The following LRRC8B variants were observed in gnomAD, a reference collection of about 807,000 sequenced individuals.
The protein encoded by LRRC8B is volume-regulated anion channel subunit LRRC8B.
Under a neutral mutation model 58.8 loss-of-function variants are expected in LRRC8B, and 23 were observed. The ratio of observed to expected loss-of-function variants is 0.39; its 90% confidence interval spans 0.28 to 0.55. The LOEUF is 0.55. Among genes scored for constraint, LRRC8B ranks in the 20% least tolerant of loss-of-function variants. The pLI is 0.62. For missense variants in LRRC8B, 694 were observed against 936.0 expected (o/e 0.74, Z 3.37); for synonymous variants, 359 against 374.1 (o/e 0.96, Z 0.47).
chr1:89,590,992 A>G (rs970941792), intron 5 of LRRC8B, among the ~76,000 whole-genome samples: 2 of 152,184 alleles, frequency 1.3e-5, no homozygotes, highest in African/African-American at 4.8e-5. Flanking sequence ...TAAACATCCT[A>G]CACTGCACAG....
intron 3 of LRRC8B, among the ~76,000 whole-genome samples, chr1:89,576,881 G>A (rs1653891745): frequency 6.6e-6 from 1 of 152,146 alleles, no homozygotes; most frequent in Non-Finnish European, 1.5e-5. Flanking sequence ...TATGTTTAAT[G>A]CTTGTCATTA....
At chr1:89,589,768 GAA>G (rs71084952) in intron 5 of LRRC8B, among the ~76,000 whole-genome samples, 4 of 97,966 alleles carry the variant, frequency 4.1e-5, no homozygotes, top group Admixed American at 9.7e-5. Context: ...TCAGTGGCCA[GAA>G]AAAAAAAAAA....
At chr1:89,533,192 A>G (rs893363348) in intron 1 of LRRC8B, among the ~76,000 whole-genome samples, 7 of 152,182 alleles carry the variant, frequency 4.6e-5, no homozygotes, top group African/African-American at 1.7e-4. Context: ...TAAAAGACAA[A>G]TCTCATCCCA....
chr1:89,566,030 A>C (rs1320103558), intron 1 of LRRC8B, among the ~76,000 whole-genome samples: 1 of 152,116 alleles, frequency 6.6e-6, no homozygotes, highest in Non-Finnish European at 1.5e-5. Context: ...TTTTTGTTTA[A>C]TCTAGTTAAG....
At chr1:89,536,741 G>A (rs1327261873) in intron 1 of LRRC8B, among the ~76,000 whole-genome samples, 4 of 152,128 alleles carry the variant, frequency 2.6e-5, no homozygotes, top group African/African-American at 9.7e-5. Flanking sequence ...CAGCATTTCT[G>A]GGGTGGGCAC....
At chr1:89,543,908 T>C (rs1310999661) in intron 1 of LRRC8B, among the ~76,000 whole-genome samples, 1 of 151,618 alleles carries the variant, frequency 6.6e-6, no homozygotes. Context: ...CTGCCTCAGC[T>C]TCCTGAGTAG....
intron 1 of LRRC8B, among the ~76,000 whole-genome samples, chr1:89,531,740 G>A (rs1241177673): frequency 6.6e-6 from 1 of 152,206 alleles, no homozygotes; most frequent in East Asian, 1.9e-4. Context: ...AGCTTTACTG[G>A]CCTACTTCTG....
At position 89,584,560 on chromosome 1, in the gene LRRC8B, G is replaced by A; in HGVS notation, c.1910G>A (p.Cys637Tyr). The change falls in exon 5 of 6, where the codon TGC (cysteine) becomes TAC (tyrosine). Residue 637 changes from cysteine to tyrosine, a missense_variant. Physicochemically the swap from Cys to Tyr is radical, Grantham distance 194. Around this residue, in one of 5 missense-constraint regions of LRRC8B, gnomAD observed 53 missense variants for 112.3 expected, o/e 0.47. Transcript: ENST00000330947. ...ISFQHLQNLS[C>Y]LKLWHNNIAY... is the part of the protein sequence containing the mutation. The stretch of plus-strand genomic sequence containing the variant: ...TTTCAGCATCTTCAGAATCTTTCCT[G>A]CTTAAAGTTGTGGCACAATAACATT... 1 of 1,614,140 alleles carries A rather than the reference G, an allele frequency of 6.2e-7. No individual in the cohort carries two copies.
chr1:89,535,210 A>G (rs978602723), intron 1 of LRRC8B, among the ~76,000 whole-genome samples: 1 of 152,144 alleles, frequency 6.6e-6, no homozygotes, highest in African/African-American at 2.4e-5. Flanking sequence ...ATTACTCCCA[A>G]TAAGACTCCC....
intron 1 of LRRC8B, among the ~76,000 whole-genome samples, chr1:89,562,960 T>C (rs1396553859): frequency 6.6e-6 from 1 of 152,108 alleles, no homozygotes. Flanking sequence ...ACAAACAAAA[T>C]TGATAATTAA....
intron 1 of LRRC8B, chr1:89,559,027 G>T (rs1018562474): frequency 6.6e-6 from 1 of 152,168 alleles, no homozygotes; most frequent in African/African-American, 2.4e-5. Context: ...CGGGGATCAA[G>T]GAAGGACAGG....
chr1:89,530,148 A>G (rs1650003084), intron 1 of LRRC8B, among the ~76,000 whole-genome samples: 1 of 151,654 alleles, frequency 6.6e-6, no homozygotes, highest in Non-Finnish European at 1.5e-5. Context: ...CAGGAGTTCG[A>G]GACCATCCTG....
In LRRC8B at chr1:89,596,485, C is replaced by T. The variant is rs1655311654; in HGVS notation, c.*3442C>T. 6.6e-6 allele frequency: 1 copy of T among 151,820 alleles called. No homozygotes were observed. 9.4% of individuals were successfully genotyped at this position (151,820 alleles called of 1,614,324 possible). Reference sequence around the variant, plus strand: ...GATAGTGAAAAATTTTTTTTCGGTTCAAGTGTTTTGTGATTAAAATTTTAT... The same window carrying T: ...GATAGTGAAAAATTTTTTTTCGGTTTAAGTGTTTTGTGATTAAAATTTTAT... On this transcript the variant is annotated 3_prime_UTR_variant, in exon 6 of 6. Transcript: ENST00000330947.
intron 1 of LRRC8B, among the ~76,000 whole-genome samples, chr1:89,556,516 G>C (rs1195683791): frequency 1.3e-5 from 2 of 152,014 alleles, no homozygotes; most frequent in African/African-American, 4.8e-5. Flanking sequence ...GTTTGAAGCA[G>C]AGGCAGTCTT....
chr1:89,546,567 C>A (rs184194079), intron 1 of LRRC8B, among the ~76,000 whole-genome samples: 29 of 152,296 alleles, frequency 1.9e-4, no homozygotes, highest in Middle Eastern at 3.4e-3. Flanking sequence ...TCTTCCAAGT[C>A]TCTCTACTAC....
rs116279024 is a variant in LRRC8B at position 89,581,852 on chromosome 1, A to G, written c.-26-773A>G. On this transcript the variant is annotated intron_variant, in intron 4 of 5. Transcript: ENST00000330947. ...AAATACTCTAAGTTTTTTCATACTC[A>G]TGTACTTAAATTACAAAGCGAAAGC... Among the ~76,000 whole-genome samples, 462 of 152,290 alleles carry G rather than the reference A, an allele frequency of 3.0e-3. 6 individuals carry two copies. The highest frequency in any genetic ancestry group is 0.011 in the African/African-American group (438 of 41,570).
chr1:89,566,660 T>TGTATAATA (rs1653064998), intron 1 of LRRC8B, among the ~76,000 whole-genome samples: 1 of 152,208 alleles, frequency 6.6e-6, no homozygotes, highest in African/African-American at 2.4e-5. Context: ...ATTCCAAAAT[T>TGTATAATA]GTATAATAGT....
chr1:89,530,258 C>T (rs997052454), intron 1 of LRRC8B, among the ~76,000 whole-genome samples: 1 of 151,526 alleles, frequency 6.6e-6, no homozygotes, highest in Non-Finnish European at 1.5e-5. Flanking sequence ...ACTCGGGAGG[C>T]TGAGGCAGGA....
intron 1 of LRRC8B, among the ~76,000 whole-genome samples, chr1:89,544,703 T>C (rs990588578): frequency 3.9e-5 from 6 of 152,192 alleles, no homozygotes; most frequent in Admixed American, 3.9e-4. Context: ...AACAGTGCTT[T>C]CTTGATAAAT....
Sources: allele counts gnomAD v4.1 joint callset (sites outside exome capture counted in the v4.1 genomes callset), GRCh38; gene constraint gnomAD v4.1.1; regional missense constraint gnomAD v4.1.1; transcripts MANE v1.5; gene names NCBI Gene and HGNC (gene_info 2026-07-23, HGNC 2026-07-21).